The following PIGG variants were observed in gnomAD, a reference collection of about 807,000 sequenced individuals.
The protein encoded by PIGG is phosphatidylinositol glycan anchor biosynthesis class G (EMM blood group), also known as GPI ethanolamine phosphate transferase 2, catalytic subunit.
PIGG carries 70 observed loss-of-function variants against 83.2 expected under a neutral mutation model. The observed-to-expected ratio is 0.84, with a 90% CI of 0.69 to 1.03. The LOEUF (loss-of-function observed/expected upper bound fraction) is 1.03, where lower values mean the gene tolerates loss of function less well. Among genes scored for constraint, PIGG ranks in the 50% least tolerant of loss-of-function variants. The probability of loss-of-function intolerance (pLI) is 0.00; values close to 1 mark genes in which losing one functional copy is unlikely to be tolerated. For missense variants in PIGG, 1,257 were observed against 1,233.6 expected, an observed-to-expected ratio of 1.02 and a Z score of -0.28; for synonymous variants, 532 against 519.5, an observed-to-expected ratio of 1.02 and a Z score of -0.33.
Position 523,533 on chromosome 4 carries a change from G to A in PIGG, c.1689G>A (p.Leu563=), listed in dbSNP as rs1304741397. 6.2e-7 allele frequency: 1 copy of A among 1,614,202 alleles called. No individual in the cohort carries two copies. Among genetic ancestry groups the A allele is most frequent in the Admixed American group, 1.7e-5 (1 of 60,034 alleles). The part of the protein sequence containing the change: ...LILLGTAGHV[L]SLGASSFVEE... ...TGTTGGGGACGGCGGGCCACGTCTT[G>A]AGCCTGGGCGCCAGCAGCTTCGTGG... Residue 563 remains leucine, a synonymous_variant, in exon 9 of 13, where the codon TTG becomes TTA. Transcript: ENST00000453061.
chr4:512,683 T>TG (rs1396344181), intron 5 of PIGG, among the ~76,000 whole-genome samples: 1 of 151,472 alleles, frequency 6.6e-6, no homozygotes, highest in Non-Finnish European at 1.5e-5. Context: ...GATGTGGTGG[T>TG]GGGCGCCTGT....
At chr4:534,457 G>A (rs1729883400) in intron 12 of PIGG, among the ~76,000 whole-genome samples, 1 of 152,198 alleles carries the variant, frequency 6.6e-6, no homozygotes, top group Non-Finnish European at 1.5e-5. Flanking sequence ...TGGCTCTTCT[G>A]AGTCGTCCTT....
chr4:500,069 C>T (rs1169297854), intron 1 of PIGG: 1 of 306,546 alleles, frequency 3.3e-6, no homozygotes, highest in Non-Finnish European at 6.1e-6. Flanking sequence ...CCCAGCCATC[C>T]CGTAGCTGCA....
In PIGG at chr4:508,835, G is replaced by A. The variant is rs868977191; in HGVS notation, c.766G>A (p.Glu256Lys). The change falls in exon 5 of 13, where the codon GAG (glutamate) becomes AAG (lysine). Residue 256 changes from glutamate (E) to lysine (K), a missense_variant. Coordinates refer to ENST00000453061, the MANE Select transcript of PIGG (RefSeq NM_001127178.3). ...IHTSLQSKER[E>K]TPLPNLLVLC... ...TTTTTCCTTTGCCTTAAAGGAGAGA[G>A]AGACGCCTTTACCCAATTTGCTGGT... 6.2e-7 allele frequency: 1 copy of A among 1,614,012 alleles called. No individual in the cohort carries two copies.
chr4:499,449 G>C lies in PIGG; in HGVS notation c.114G>C (p.Ala38=). 1.2e-6 allele frequency: 2 copies of C among 1,604,058 alleles called. No individual in the cohort carries two copies. Among genetic ancestry groups the C allele is most frequent in the Non-Finnish European group, 1.7e-6 (2 of 1,179,422 alleles). ...CTCCCGTTCGTTCCTCTGCCAGAGCGGAACACGGAGCGGAGCCCCCAGCGC... is the reference window on the plus strand; with the variant it reads ...CTCCCGTTCGTTCCTCTGCCAGAGCCGAACACGGAGCGGAGCCCCCAGCGC... ...FPAPVRSSAR[A]EHGAEPPAPE... The change falls in exon 1 of 13, where the codon GCG becomes GCC. Residue 38 remains alanine, a synonymous_variant. Coordinates refer to ENST00000453061, the MANE Select transcript of PIGG (RefSeq NM_001127178.3).
At chr4:537,964 G>A (rs1441304969) in intron 12 of PIGG, among the ~76,000 whole-genome samples, 2 of 151,898 alleles carry the variant, frequency 1.3e-5, no homozygotes, top group African/African-American at 2.4e-5. Context: ...ACAGGACTGA[G>A]GAGCCCTTTA....
At chr4:533,749 C>A in intron 11 of PIGG, 69 bp from the exon 12 acceptor site, 1 of 1,454,070 alleles carries the variant, frequency 6.9e-7, no homozygotes, top group Non-Finnish European at 9.6e-7. Flanking sequence ...CATCGTGGCT[C>A]ACGCTAACAT....
chr4:509,845 G>A (rs1261730395), intron 5 of PIGG, among the ~76,000 whole-genome samples: 1 of 152,210 alleles, frequency 6.6e-6, no homozygotes, highest in African/African-American at 2.4e-5. Context: ...CGGTCAGATT[G>A]ATCTCTCTAA....
In PIGG at chr4:515,200, G is replaced by A. The variant is rs1403596281; in HGVS notation, c.902-773G>A. 1.3e-5 allele frequency among the ~76,000 whole-genome samples: 2 copies of A among 152,252 alleles called. No homozygotes were observed. The highest frequency in any genetic ancestry group is 2.4e-5 in the African/African-American group (1 of 41,470). The stretch of plus-strand genomic sequence containing the variant: ...CCCTGTGGCCTCTTGGCGCCCTGCC[G>A]GTGTACGTTGAATTCCAGGGTGTGG... On this transcript the variant is annotated intron_variant, in intron 5 of 12. Coordinates refer to ENST00000453061, the MANE Select transcript of PIGG (RefSeq NM_001127178.3). The surrounding 1 kb of genome is among the most constrained non-coding windows in gnomAD (Gnocchi z 4.2).
chr4:526,578 G>A (rs1394543741), intron 9 of PIGG, among the ~76,000 whole-genome samples: 2 of 152,218 alleles, frequency 1.3e-5, no homozygotes, highest in Non-Finnish European at 2.9e-5. Context: ...AGGTGAGCTG[G>A]TAGGTGCAGG....
At chr4:512,481 TATC>T (rs1553884166) in intron 5 of PIGG, among the ~76,000 whole-genome samples, 1 of 151,926 alleles carries the variant, frequency 6.6e-6, no homozygotes, top group African/African-American at 2.4e-5. Flanking sequence ...TCCCAACCAT[TATC>T]ATATTTTTTT....
intron 11 of PIGG, 97 bp from the exon 12 acceptor site, chr4:533,721 C>T: frequency 8.4e-7 from 1 of 1,188,026 alleles, no homozygotes; most frequent in Non-Finnish European, 1.2e-6. Context: ...TCTGGGCTGC[C>T]TACACAGTTC....
chr4:518,025 G>A (rs1313424173), intron 6 of PIGG, among the ~76,000 whole-genome samples: 1 of 152,216 alleles, frequency 6.6e-6, no homozygotes, highest in Non-Finnish European at 1.5e-5. Context: ...GCGCTGAGAT[G>A]TAAACCGGCC....
intron 9 of PIGG, among the ~76,000 whole-genome samples, chr4:524,381 C>T (rs1726982331): frequency 6.6e-6 from 1 of 152,238 alleles, no homozygotes; most frequent in South Asian, 2.1e-4. Flanking sequence ...TCTTGGCTCT[C>T]AGCTCTGCGG....
Position 520,811 on chromosome 4 carries a change from G to A in PIGG, c.1115-245G>A, listed in dbSNP as rs75670151. 8.7e-3 allele frequency among the ~76,000 whole-genome samples: 1,323 copies of A among 152,356 alleles called. 10 individuals are homozygous for A. The highest frequency in any genetic ancestry group is 0.041 in the South Asian group (196 of 4,828). ...GGGTCAGTCACTGCCATCCGCGGGT[G>A]TATGCCAAGGACCAAGGCCTGCATC... is the stretch of plus-strand genomic sequence containing the variant. On this transcript the variant is annotated intron_variant, in intron 6 of 12. Transcript: ENST00000453061.
intron 12 of PIGG, among the ~76,000 whole-genome samples, chr4:535,447 G>GCGTCTCCGTGTGCTGAAACCGCGCTCC (rs1730298549): frequency 6.6e-6 from 1 of 152,104 alleles, no homozygotes; most frequent in African/African-American, 2.4e-5. Flanking sequence ...CCTCCTCCCG[G>GCGTCTCCGTGTGCTGAAACCGCGCTCC]GCAGGCGAGC....
At chr4:521,584 G>A (rs955264775) in intron 7 of PIGG, 76 bp from the exon 8 acceptor site, 5 of 1,386,434 alleles carry the variant, frequency 3.6e-6, no homozygotes, top group Middle Eastern at 2.4e-4. Flanking sequence ...TGACACGAGA[G>A]CGGGAGCTGG....
chr4:505,153 A>C (rs1719147892), intron 2 of PIGG, among the ~76,000 whole-genome samples: 1 of 152,120 alleles, frequency 6.6e-6, no homozygotes, highest in African/African-American at 2.4e-5. Context: ...GCTACATCGC[A>C]AACCCATAGC....
At chr4:538,818 G>A (rs546842183) in intron 12 of PIGG, among the ~76,000 whole-genome samples, 6 of 151,938 alleles carry the variant, frequency 3.9e-5, no homozygotes, top group Non-Finnish European at 7.4e-5. Context: ...AGGTGTGTGT[G>A]GGGGGGGACA....
Sources: allele counts gnomAD v4.1 joint callset (sites outside exome capture counted in the v4.1 genomes callset), GRCh38; gene constraint gnomAD v4.1.1; non-coding constraint Gnocchi (gnomAD v3.1); transcripts MANE v1.5; gene names NCBI Gene and HGNC (gene_info 2026-07-23, HGNC 2026-07-21).